The following DNAJC2 variants were observed in gnomAD, a reference collection of about 807,000 sequenced individuals.
DNAJC2 encodes the protein dnaJ homolog subfamily C member 2.
A neutral mutation model predicts 94.0 loss-of-function variants in DNAJC2; 32 were observed. That is an observed-to-expected ratio of 0.34 (90% CI 0.26 to 0.46). The LOEUF (loss-of-function observed/expected upper bound fraction) is 0.46. Ranked by LOEUF, DNAJC2 falls within the 20% of genes least tolerant of loss-of-function variation. DNAJC2 has a pLI of 1.00. For synonymous variants in DNAJC2, 210 were observed against 229.7 expected, an observed-to-expected ratio of 0.91 and a Z score of 0.77; for missense variants, 550 against 719.5, an observed-to-expected ratio of 0.76 and a Z score of 2.69.
At chr7:103,339,515 C>G (rs896435245) in intron 2 of DNAJC2, among the ~76,000 whole-genome samples, 1 of 152,106 alleles carries the variant, frequency 6.6e-6, no homozygotes, top group Non-Finnish European at 1.5e-5. Flanking sequence ...AATCACTCTT[C>G]ATTCACTGTA....
intron 15 of DNAJC2, chr7:103,314,733 A>G: frequency 1.3e-6 from 1 of 757,144 alleles, no homozygotes; most frequent in Non-Finnish European, 1.6e-6. Flanking sequence ...CCTCCCCTAT[A>G]TTAACACTGT....
chr7:103,317,590 AATG>A (rs765128286), intron 12 of DNAJC2, among the ~76,000 whole-genome samples: 4 of 152,236 alleles, frequency 2.6e-5, no homozygotes, highest in Admixed American at 1.3e-4. Context: ...AAGTCCCAAT[AATG>A]CTAACCTTGA....
intron 10 of DNAJC2, among the ~76,000 whole-genome samples, chr7:103,321,390 C>T (rs963215157): frequency 6.6e-6 from 1 of 151,822 alleles, no homozygotes; most frequent in African/African-American, 2.4e-5. Flanking sequence ...TGGTGGCAGG[C>T]ACCTGTAATC....
chr7:103,312,819 T>C (rs1817827183), intron 16 of DNAJC2, 128 bp downstream of exon 16: 3 of 1,518,766 alleles, frequency 2.0e-6, no homozygotes, highest in African/African-American at 2.8e-5. Flanking sequence ...CTCATAATAT[T>C]GACCCCATAA....
intron 1 of DNAJC2, 130 bp from the exon 2 acceptor site, chr7:103,342,084 C>T (rs1224902318): frequency 2.2e-5 from 13 of 578,434 alleles, no homozygotes; most frequent in South Asian, 1.2e-4. Flanking sequence ...CCACCGACTA[C>T]GAAAATAATT....
At chr7:103,316,218 T>G (rs1369625748) in intron 13 of DNAJC2, 130 bp from the exon 14 acceptor site, 6 of 497,446 alleles carry the variant, frequency 1.2e-5, no homozygotes, top group Non-Finnish European at 1.7e-5. Context: ...GGTGGTCTAA[T>G]TATGCTGCTA....
intron 2 of DNAJC2, among the ~76,000 whole-genome samples, chr7:103,340,472 T>C (rs1819335256): frequency 6.6e-6 from 1 of 152,230 alleles, no homozygotes; most frequent in Non-Finnish European, 1.5e-5. Flanking sequence ...CCATTATTTG[T>C]TTGGCATTTA....
At position 103,322,081 on chromosome 7, in the gene DNAJC2, G is replaced by T; in HGVS notation, c.934C>A (p.Gln312Lys). Residue 312 changes from glutamine (Q) to lysine (K), a missense_variant and splice_region_variant, in exon 10 of 17, where the codon CAA becomes AAA. This residue lies in a region of DNAJC2 where 279 missense variants were observed against 416.9 expected (regional missense o/e 0.67). Transcript: ENST00000379263. ...GCAGCTTCTAATTCAGCTTGTCTTT[G>T]CTTTAAAAAAAGGGAGTAAAATCAT... ...KRKEQEAKEK[Q>K]RQAELEAARL... The T allele has an allele frequency of 2.5e-6, 4 of 1,593,696 alleles. No individual in the cohort carries two copies. The highest frequency in any genetic ancestry group is 3.4e-6 in the Non-Finnish European group (4 of 1,171,052).
At chr7:103,316,570 CCAACATAAAT>C in intron 13 of DNAJC2, 1 of 421,248 alleles carries the variant, frequency 2.4e-6, no homozygotes, top group Non-Finnish European at 4.2e-6. Flanking sequence ...ACAGAGTAAG[CCAACATAAAT>C]CAAGACTTGT....
Position 103,323,714 on chromosome 7 carries a change from A to T in DNAJC2, c.654-51T>A, listed in dbSNP as rs760184413. 4.0e-6 allele frequency: 5 copies of T among 1,256,492 alleles called. No individual in the cohort carries two copies. The South Asian group carries it at 7.8e-5, about 20-fold the overall frequency. The allele number at this position is 1,256,492 out of a possible 1,614,324, so 77.8% of individuals were successfully genotyped here. On this transcript the variant is annotated intron_variant, in intron 6 of 16. Transcript: ENST00000379263. ...ATCAAGACAGAATAAATGAAAAAAA[A>T]TTCTTTTTAATGCAAGTGAATGAAT...
chr7:103,313,357 T>G (rs1208721535), intron 15 of DNAJC2: 1 of 1,150,990 alleles, frequency 8.7e-7, no homozygotes, highest in Non-Finnish European at 1.1e-6. Flanking sequence ...GTACTGTTTA[T>G]CTCTTAAAAA....
rs541946240 is a variant in DNAJC2 at position 103,332,642 on chromosome 7, A to G, written c.332-4888T>C. Reference sequence around the variant, plus strand: ...TTTCATCCTTTTTTTTTTGCGGGGGAGGGGATGGGGACAGGGTCTTACTAT... The same window carrying G: ...TTTCATCCTTTTTTTTTTGCGGGGGGGGGGATGGGGACAGGGTCTTACTAT... On this transcript the variant is annotated intron_variant, in intron 3 of 16. Coordinates refer to ENST00000379263, the MANE Select transcript of DNAJC2 (RefSeq NM_014377.3). Among the ~76,000 whole-genome samples the G allele has an allele frequency of 3.7e-3, 536 of 145,446 alleles. 4 individuals carry two copies. Among genetic ancestry groups the G allele is most frequent in the African/African-American group, 0.013 (524 of 39,130 alleles).
chr7:103,337,735 C>A lies in DNAJC2; in HGVS notation c.331+1G>T, dbSNP rs756631892. The A allele has an allele frequency of 1.2e-6, 2 of 1,610,676 alleles. No individual in the cohort carries two copies. Among genetic ancestry groups the A allele is most frequent in the Admixed American group, 3.3e-5 (2 of 59,932 alleles). ...TTATTTCAAAATAACTAAGTACTTA[C>A]GAGCTGCTTTGATCTGTCTCTGTGT... On this transcript the variant is annotated splice_donor_variant, in intron 3 of 16. Transcript: ENST00000379263. LOFTEE classifies it high-confidence loss of function.
chr7:103,332,196 G>A (rs1056045810), intron 3 of DNAJC2, among the ~76,000 whole-genome samples: 18 of 152,012 alleles, frequency 1.2e-4, no homozygotes, highest in African/African-American at 3.1e-4. Flanking sequence ...TAGTAGAGAC[G>A]GGGTTTCACC....
intron 4 of DNAJC2, 91 bp downstream of exon 4, chr7:103,327,561 TTGAA>T (rs1277873038): frequency 1.2e-6 from 1 of 805,440 alleles, no homozygotes; most frequent in Non-Finnish European, 2.0e-6. Context: ...CAAAGGATAG[TTGAA>T]TGAACTACAG....
intron 10 of DNAJC2, among the ~76,000 whole-genome samples, chr7:103,321,054 T>G (rs1818377438): frequency 6.7e-6 from 1 of 149,628 alleles, no homozygotes; most frequent in South Asian, 2.1e-4. Context: ...AAAAATTAGC[T>G]GGGTGTGGTG....
intron 10 of DNAJC2, chr7:103,320,762 CATAT>C (rs71519145): frequency 0.035 from 4,703 of 135,618 alleles, 169 homozygotes; most frequent in African/African-American, 0.1. Flanking sequence ...TATATATACA[CATAT>C]ATATATATAT....
At chr7:103,329,157 T>C in intron 3 of DNAJC2, 1 of 343,830 alleles carries the variant, frequency 2.9e-6, no homozygotes, top group Non-Finnish European at 5.5e-6. Flanking sequence ...TGACTCTGTG[T>C]GTCACTTACA....
intron 10 of DNAJC2, chr7:103,320,734 ACT>A (rs1563459793): frequency 7.5e-6 from 1 of 132,494 alleles, no homozygotes; most frequent in East Asian, 2.1e-4. Context: ...ACAGAGCAAG[ACT>A]CTGTCACAAA....
Sources: gnomAD v4.1 joint callset for allele counts (sites outside exome capture counted in the v4.1 genomes callset) on GRCh38, gnomAD v4.1.1 for gene constraint, gnomAD v4.1.1 regional missense constraint, MANE v1.5 for transcripts, NCBI Gene and HGNC (gene_info 2026-07-23, HGNC 2026-07-21) for gene names.